Variants in ERC2 observed in about 807,000 individuals in gnomAD.
ERC2 encodes the protein ERC protein 2.
Under a neutral mutation model 114.8 loss-of-function variants are expected in ERC2, and 42 were observed. The ratio of observed to expected loss-of-function variants is 0.37; its 90% CI spans 0.29 to 0.47. The LOEUF is 0.47. Among genes scored for constraint, ERC2 ranks in the 20% least tolerant of loss-of-function variants. The probability of loss-of-function intolerance (pLI) is 0.99; values close to 1 mark genes in which losing one functional copy is unlikely to be tolerated. For missense variants in ERC2, 939 were observed against 1,150.7 expected, an observed-to-expected ratio of 0.82 and a Z score of 2.66; for synonymous variants, 454 against 425.5, an observed-to-expected ratio of 1.07 and a Z score of -0.82.
chr3:55,857,545 ATTC>A (rs1304037886), intron 14 of ERC2, among the ~76,000 whole-genome samples: 1 of 152,202 alleles, frequency 6.6e-6, no homozygotes, highest in Non-Finnish European at 1.5e-5. Context: ...GAAAATTGCT[ATTC>A]TTCTTTTAAT....
At chr3:56,040,812 A>G (rs941815941) in intron 7 of ERC2, among the ~76,000 whole-genome samples, 1 of 149,256 alleles carries the variant, frequency 6.7e-6, no homozygotes, top group African/African-American at 2.5e-5. Flanking sequence ...AGAGATACAT[A>G]TAGATATATA....
chr3:55,706,065 T>C (rs2063465185), intron 15 of ERC2, among the ~76,000 whole-genome samples: 1 of 151,932 alleles, frequency 6.6e-6, no homozygotes, highest in Admixed American at 6.6e-5. Flanking sequence ...ATGGGGCAGA[T>C]GGGAAGTGTT....
At chr3:56,183,724 A>C (rs749315148) in intron 3 of ERC2, among the ~76,000 whole-genome samples, 2 of 152,156 alleles carry the variant, frequency 1.3e-5, no homozygotes, top group African/African-American at 2.4e-5. Context: ...TAGTGCATGC[A>C]TTCTCAATGA....
chr3:55,883,104 A>T (rs1336481602), intron 14 of ERC2, among the ~76,000 whole-genome samples: 1 of 152,232 alleles, frequency 6.6e-6, no homozygotes, highest in Non-Finnish European at 1.5e-5. Flanking sequence ...CACATAGTAG[A>T]TCATCAGTGA....
intron 4 of ERC2, among the ~76,000 whole-genome samples, chr3:56,173,040 CA>C (rs1329369928): frequency 6.6e-6 from 1 of 152,162 alleles, no homozygotes; most frequent in Non-Finnish European, 1.5e-5. Flanking sequence ...TAATTATTAA[CA>C]ATACCACTGC....
rs377604698 is a variant in ERC2, at chr3:55,808,701, TTATATATATATATA to T, written c.2565-73797_2565-73784del. Among the ~76,000 whole-genome samples the T allele has an allele frequency of 3.2e-3, 199 of 61,732 alleles. 3 individuals are homozygous for T. The highest frequency in any genetic ancestry group is 0.01 in the Middle Eastern group (1 of 100). 40.5% of individuals were successfully genotyped at this position (61,732 alleles called of 152,430 possible). ...AATAATATATTATTATACCATAATT[TTATATATATATATA>T]TATATATATATATATATATATATAT... On this transcript the variant is annotated intron_variant, in intron 14 of 17. Transcript: ENST00000288221.
intron 10 of ERC2, among the ~76,000 whole-genome samples, chr3:55,999,005 G>T (rs1169520066): frequency 6.6e-6 from 1 of 151,676 alleles, no homozygotes; most frequent in Non-Finnish European, 1.5e-5. Context: ...TTAGCAACAA[G>T]GGTATTATAT....
At chr3:55,686,741 C>T (rs2062353882) in intron 16 of ERC2, among the ~76,000 whole-genome samples, 1 of 152,178 alleles carries the variant, frequency 6.6e-6, no homozygotes, top group Non-Finnish European at 1.5e-5. Context: ...TGTTTCCTTT[C>T]CTTGTTTTTC....
chr3:56,267,188 A>G (rs1010001058), intron 3 of ERC2, among the ~76,000 whole-genome samples: 1 of 152,204 alleles, frequency 6.6e-6, no homozygotes, highest in Non-Finnish European at 1.5e-5. Context: ...TCAGCACTTT[A>G]AAAGTTTCAG....
At chr3:55,654,589 G>A (rs555055028) in intron 17 of ERC2, among the ~76,000 whole-genome samples, 2 of 152,362 alleles carry the variant, frequency 1.3e-5, no homozygotes, top group Admixed American at 1.3e-4. Flanking sequence ...GATAACAGAG[G>A]AGAATGGAGT....
In ERC2 at chr3:56,302,647, T is replaced by C. The variant is rs59216157; in HGVS notation, c.658-6212A>G. Among the ~76,000 whole-genome samples the C allele has an allele frequency of 1.6e-3, 251 of 152,296 alleles. 1 individual carries two copies. Among genetic ancestry groups the C allele is most frequent in the East Asian group, 0.012 (61 of 5,186 alleles). On this transcript the variant is annotated intron_variant, in intron 2 of 17. Coordinates refer to ENST00000288221, the MANE Select transcript of ERC2 (RefSeq NM_015576.3). ...CAAATCATCTACCCTTTCCCAACTATGAAAACACACTTCTTTTAAGACAGT... is the reference window on the plus strand; with the variant it reads ...CAAATCATCTACCCTTTCCCAACTACGAAAACACACTTCTTTTAAGACAGT...
In ERC2 at chr3:56,141,744, A is replaced by G. The variant is rs533193060; in HGVS notation, c.1306-2068T>C. Among the ~76,000 whole-genome samples the G allele has an allele frequency of 3.3e-5, 5 of 152,294 alleles. No individual in the cohort carries two copies. The East Asian group carries it at 9.7e-4, about 29-fold the overall frequency. On this transcript the variant is annotated intron_variant, in intron 5 of 17. Transcript: ENST00000288221. ...TTCATATGTTATTGTAATGAATTGCATTAATGAAATTTTTAACCTTAATCT... is the reference window on the plus strand; with the variant it reads ...TTCATATGTTATTGTAATGAATTGCGTTAATGAAATTTTTAACCTTAATCT...
At chr3:55,837,536 T>C (rs908899963) in intron 14 of ERC2, among the ~76,000 whole-genome samples, 3 of 139,290 alleles carry the variant, frequency 2.2e-5, no homozygotes, top group Non-Finnish European at 4.5e-5. Context: ...TTCTCACTCA[T>C]AGGTGGGAAA....
chr3:56,444,496 G>A (rs2062469717), intron 1 of ERC2, among the ~76,000 whole-genome samples: 1 of 152,096 alleles, frequency 6.6e-6, no homozygotes, highest in East Asian at 1.9e-4. Flanking sequence ...TAAAATAAAA[G>A]ATGGCTTTAT....
chr3:56,425,780 G>A (rs1231863340), intron 2 of ERC2, among the ~76,000 whole-genome samples: 3 of 152,028 alleles, frequency 2.0e-5, no homozygotes, highest in Non-Finnish European at 4.4e-5. Context: ...ATCAATTAAC[G>A]GTTTCTGATG....
intron 2 of ERC2, among the ~76,000 whole-genome samples, chr3:56,305,205 C>G (rs1322734198): frequency 6.6e-6 from 1 of 151,952 alleles, no homozygotes; most frequent in African/African-American, 2.4e-5. Flanking sequence ...TTAGGAATTT[C>G]TGTTCAACAA....
chr3:55,959,598 G>C (rs974384118), intron 12 of ERC2, among the ~76,000 whole-genome samples: 1 of 152,106 alleles, frequency 6.6e-6, no homozygotes. Context: ...TCTTCCTTGC[G>C]AGCAGACCAC....
chr3:55,650,847 TTTTTC>T (rs1316046084), intron 17 of ERC2, among the ~76,000 whole-genome samples: 6 of 151,092 alleles, frequency 4.0e-5, no homozygotes, highest in Non-Finnish European at 7.4e-5. Flanking sequence ...GGGTGTTTTT[TTTTTC>T]TTTTTTTTTT....
At chr3:56,315,928 T>C (rs2056842218) in intron 2 of ERC2, among the ~76,000 whole-genome samples, 1 of 152,052 alleles carries the variant, frequency 6.6e-6, no homozygotes, top group African/African-American at 2.4e-5. Context: ...AAAAGCATTA[T>C]TGAATGAAAG....
Sources: allele counts gnomAD v4.1 joint callset (sites outside exome capture counted in the v4.1 genomes callset), GRCh38; gene constraint gnomAD v4.1.1; transcripts MANE v1.5; gene names NCBI Gene and HGNC (gene_info 2026-07-23, HGNC 2026-07-21).